The following ADGRE2 variants were observed in gnomAD, a reference collection of about 807,000 sequenced individuals.
The protein encoded by ADGRE2 is CD97 antigen.
In ADGRE2, 83 loss-of-function variants were observed where a neutral mutation model predicts 100.8. The ratio of observed to expected loss-of-function variants is 0.82; its 90% confidence interval spans 0.69 to 0.99. ADGRE2 has a LOEUF of 0.99. Ranked by LOEUF, ADGRE2 falls within the 50% of genes least tolerant of loss-of-function variation. The pLI, the probability that ADGRE2 is intolerant of heterozygous loss-of-function variation, is 0.00. For missense variants in ADGRE2, 814 were observed against 1,035.7 expected (o/e 0.79, Z 2.94); for synonymous variants, 355 against 413.0 (o/e 0.86, Z 1.70).
downstream of ADGRE2, chr19:14,731,423 G>T (rs1480873959): frequency 5.3e-6 from 3 of 562,622 alleles, no homozygotes; most frequent in Middle Eastern, 4.6e-4. Flanking sequence ...TAGGTTCCCC[G>T]CAAGGAGACT....
At chr19:14,738,533 A>G (rs985972521) in intron 20 of ADGRE2, among the ~76,000 whole-genome samples, 1 of 152,068 alleles carries the variant, frequency 6.6e-6, no homozygotes, top group Non-Finnish European at 1.5e-5. Flanking sequence ...ATGCACCACC[A>G]TGCCTGGCTA....
chr19:14,745,308 CAT>C (rs1473133222), intron 18 of ADGRE2, among the ~76,000 whole-genome samples: 4 of 152,124 alleles, frequency 2.6e-5, no homozygotes, highest in Non-Finnish European at 5.9e-5. Context: ...TTTGTGGGGA[CAT>C]ATGTGATATT....
At chr19:14,756,401 G>T (rs1262878111) in intron 11 of ADGRE2, 56 bp from the exon 12 acceptor site, 3 of 1,141,836 alleles carry the variant, frequency 2.6e-6, no homozygotes, top group Non-Finnish European at 4.0e-6. Context: ...TGCCTGCAGT[G>T]GTTGATATAC....
At chr19:14,777,020 A>G in intron 1 of ADGRE2, 93 bp from the exon 2 acceptor site, 1 of 1,300,422 alleles carries the variant, frequency 7.7e-7, no homozygotes, top group Non-Finnish European at 9.8e-7. Context: ...ACACACGTGT[A>G]CTCGCTCAGC....
At chr19:14,730,242 A>G (rs2042658936), downstream of ADGRE2, among the ~76,000 whole-genome samples, 1 of 151,976 alleles carries the variant, frequency 6.6e-6, no homozygotes, top group Admixed American at 6.6e-5. Flanking sequence ...TTTAGTAGAG[A>G]TGGGGTTTCA....
chr19:14,761,491 CAG>C (rs765026586), intron 11 of ADGRE2, among the ~76,000 whole-genome samples: 32 of 152,188 alleles, frequency 2.1e-4, no homozygotes, highest in Admixed American at 5.2e-4. Flanking sequence ...ATTATTTAGG[CAG>C]AGAGTGTGGG....
At chr19:14,776,976 GCACACACACACACACACACACACACA>G in intron 1 of ADGRE2, 49 bp from the exon 2 acceptor site, 1 of 1,024,728 alleles carries the variant, frequency 9.8e-7, no homozygotes, top group Non-Finnish European at 1.2e-6. Flanking sequence ...CAGGGGCGCT[GCACACACACACACACACACACACACA>G]CACACACACA....
chr19:14,776,261 A>G (rs1860029), intron 2 of ADGRE2: 103,112 of 162,554 alleles, frequency 0.63, 33,779 homozygotes, highest in African/African-American at 0.78. Flanking sequence ...CAGAAGGAGA[A>G]AGACAGAGAG....
chr19:14,750,933 C>T lies in ADGRE2; in HGVS notation c.2024+503G>A, dbSNP rs111584064. Among the ~76,000 whole-genome samples, 199 of 152,248 alleles carry T rather than the reference C, an allele frequency of 1.3e-3. 2 individuals carry two copies. In the East Asian group the frequency reaches 0.032, roughly 24 times the overall value. ...GGCTCAAGCGATCCTCCCACCTCAG[C>T]CTCCTGAGTAGCTAGGACTACAGGT... is the stretch of plus-strand genomic sequence containing the variant. On this transcript the variant is annotated intron_variant, in intron 16 of 20. Coordinates refer to ENST00000315576, the MANE Select transcript of ADGRE2 (RefSeq NM_013447.4).
At chr19:14,759,503 A>ATATATATATATATATATATATATATATTT (rs60789454) in intron 11 of ADGRE2, among the ~76,000 whole-genome samples, 1 of 133,368 alleles carries the variant, frequency 7.5e-6, no homozygotes, top group African/African-American at 3.0e-5. Flanking sequence ...ATATATATAT[A>ATATATATATATATATATATATATATATTT]TTTTTTTTTT....
intron 20 of ADGRE2, among the ~76,000 whole-genome samples, chr19:14,737,214 GC>G (rs2147080411): frequency 6.7e-6 from 1 of 150,170 alleles, no homozygotes; most frequent in African/African-American, 2.4e-5. Context: ...TAGAGACAGG[GC>G]CTTGCTCTGT....
intron 11 of ADGRE2, among the ~76,000 whole-genome samples, chr19:14,760,011 G>C (rs2043658893): frequency 1.3e-5 from 2 of 151,730 alleles, no homozygotes; most frequent in African/African-American, 4.8e-5. Context: ...GTAGAGATGG[G>C]GTTTCACCCT....
At chr19:14,776,976 G>GCAGA in intron 1 of ADGRE2, 49 bp from the exon 2 acceptor site, 1 of 1,024,728 alleles carries the variant, frequency 9.8e-7, no homozygotes, top group South Asian at 2.3e-5. Flanking sequence ...CAGGGGCGCT[G>GCAGA]CACACACACA....
chr19:14,765,396 G>A lies in ADGRE2; in HGVS notation c.830C>T (p.Thr277Met), dbSNP rs757107458. ...WTPPPGVHSQ[T>M]LSRFFDKVQD... The stretch of plus-strand genomic sequence containing the variant: ...GACTTTGTCGAAGAATCGGGAAAGC[G>A]TCTGCAGAGAGAGGAGATGTGGGGG... The change falls in exon 10 of 21, where the codon ACG becomes ATG. Residue 277 changes from threonine (T) to methionine (M), a missense_variant and splice_region_variant. Physicochemically the swap from Thr to Met is moderately conservative, Grantham distance 81. Coordinates refer to ENST00000315576, the MANE Select transcript of ADGRE2 (RefSeq NM_013447.4). 38 of 1,614,072 alleles carry A rather than the reference G, an allele frequency of 2.4e-5. No individual in the cohort carries two copies. The highest frequency in any genetic ancestry group is 2.2e-4 in the Admixed American group (13 of 60,006).
the ADGRE2 span, among the ~76,000 whole-genome samples, chr19:14,724,391 A>T: frequency 6.6e-6 from 1 of 152,232 alleles, no homozygotes; most frequent in South Asian, 2.1e-4. Context: ...AACCTGGTCC[A>T]CAGTGGGTGA....
At chr19:14,748,553 C>T (rs759206967) in intron 16 of ADGRE2, among the ~76,000 whole-genome samples, 14 of 152,138 alleles carry the variant, frequency 9.2e-5, no homozygotes, top group Admixed American at 5.2e-4. Flanking sequence ...GTGATCTGCT[C>T]GCCTCGGCCT....
chr19:14,746,860 G>A lies in ADGRE2; in HGVS notation c.2091+36C>T, dbSNP rs1361565163. 4 of 1,589,692 alleles carry A rather than the reference G, an allele frequency of 2.5e-6. No individual in the cohort carries two copies. The South Asian group carries it at 4.4e-5, about 18-fold the overall frequency. On this transcript the variant is annotated intron_variant, in intron 17 of 20. Coordinates refer to ENST00000315576, the MANE Select transcript of ADGRE2 (RefSeq NM_013447.4). Reference sequence around the variant, plus strand: ...TATCTTGTTTTTCTAATGACCCTCAGCGGGGCAGCGAGGATGCTCAGATGA... The same window carrying A: ...TATCTTGTTTTTCTAATGACCCTCAACGGGGCAGCGAGGATGCTCAGATGA...
At chr19:14,777,073 T>A in intron 1 of ADGRE2, 146 bp from the exon 2 acceptor site, 6 of 1,212,668 alleles carry the variant, frequency 4.9e-6, no homozygotes, top group Non-Finnish European at 6.2e-6. Flanking sequence ...TCTGCTGGAG[T>A]TTCCACCATG....
rs571102829 is a variant in ADGRE2 at position 14,772,275 on chromosome 19, C to T, written c.355+67G>A. On this transcript the variant is annotated intron_variant, in intron 5 of 20. Coordinates refer to ENST00000315576, the MANE Select transcript of ADGRE2 (RefSeq NM_013447.4). ...TTGGGTACCTGCTCCCTGGATGCTG[C>T]AGAAACAGCTCTGGTGACCCCAAAC... The T allele has an allele frequency of 1.4e-5, 23 of 1,602,206 alleles. 1 individual carries two copies. The South Asian group carries it at 2.3e-4, about 16-fold the overall frequency.
Sources: gnomAD v4.1 joint callset for allele counts (sites outside exome capture counted in the v4.1 genomes callset) on GRCh38, gnomAD v4.1.1 for gene constraint, MANE v1.5 for transcripts, NCBI Gene and HGNC (gene_info 2026-07-23, HGNC 2026-07-21) for gene names.